The following KIF13A variants were observed in gnomAD, a reference collection of about 807,000 sequenced individuals.
KIF13A encodes kinesin family member 13A, also known as kinesin-like protein KIF13A.
A neutral mutation model predicts 212.2 loss-of-function variants in KIF13A; 79 were observed. The ratio of observed to expected loss-of-function variants is 0.37; its 90% CI spans 0.31 to 0.45. KIF13A has a LOEUF of 0.45. Among genes scored for constraint, KIF13A ranks in the 20% least tolerant of loss-of-function variants. The pLI, the probability that KIF13A is intolerant of heterozygous loss-of-function variation, is 1.00. For missense variants in KIF13A, 1,901 were observed against 2,209.0 expected, an observed-to-expected ratio of 0.86 and a Z score of 2.79; for synonymous variants, 789 against 808.6, an observed-to-expected ratio of 0.98 and a Z score of 0.41.
At chr6:17,792,382 C>T (rs1761666882) in intron 25 of KIF13A, among the ~76,000 whole-genome samples, 1 of 151,976 alleles carries the variant, frequency 6.6e-6, no homozygotes, top group Non-Finnish European at 1.5e-5. Context: ...ACAGGGACCT[C>T]AGAGGATTAT....
intron 2 of KIF13A, among the ~76,000 whole-genome samples, chr6:17,978,107 T>C (rs770982403): frequency 2.0e-5 from 3 of 152,240 alleles, no homozygotes; most frequent in African/African-American, 4.8e-5. Context: ...ATGAGGGGGC[T>C]TGGACTGGTG....
At chr6:17,975,337 A>G (rs1202214940) in intron 2 of KIF13A, among the ~76,000 whole-genome samples, 1 of 152,150 alleles carries the variant, frequency 6.6e-6, no homozygotes, top group Admixed American at 6.5e-5. Flanking sequence ...TCTTGGTCTC[A>G]CTAACTTCAA....
intron 3 of KIF13A, among the ~76,000 whole-genome samples, chr6:17,875,589 G>A (rs577844557): frequency 6.6e-6 from 1 of 151,828 alleles, no homozygotes; most frequent in Admixed American, 6.6e-5. Flanking sequence ...CAAGTAGCTG[G>A]GACTACAGGC....
At chr6:17,763,158 G>GGTACTAAGAAA (rs1243393867), downstream of KIF13A, among the ~76,000 whole-genome samples, 2 of 152,166 alleles carry the variant, frequency 1.3e-5, no homozygotes, top group African/African-American at 4.8e-5. Context: ...CTTAGTAATA[G>GGTACTAAGAAA]TGGCAAAAAC....
chr6:17,944,334 T>G (rs58705416), intron 2 of KIF13A, among the ~76,000 whole-genome samples: 18,719 of 152,252 alleles, frequency 0.12, 1,286 homozygotes, highest in South Asian at 0.19. Flanking sequence ...CATTTCTGAG[T>G]GCCCTCCTGA....
In KIF13A at chr6:17,787,724, T is replaced by C. The variant is rs1761180641; in HGVS notation, c.3361+52A>G. ...AGGGGAAGAAAACGACCTACTGCCA[T>C]TGTGTAAAAGTGAAAAAGCTACTCC... On this transcript the variant is annotated intron_variant, in intron 27 of 38. Transcript: ENST00000259711. The surrounding 1 kb of genome is among the most constrained non-coding windows in gnomAD (Gnocchi z 4.6). 1 of 1,011,420 alleles carries C rather than the reference T, an allele frequency of 9.9e-7. No individual in the cohort carries two copies. The highest frequency in any genetic ancestry group is 2.4e-5 in the East Asian group (1 of 42,122). 62.7% of individuals were successfully genotyped at this position (1,011,420 alleles called of 1,614,324 possible). A position where few individuals can be genotyped will look rare whatever the true frequency, so the allele number is the denominator to read the frequency against.
chr6:17,875,856 G>A (rs1430300087), intron 3 of KIF13A, among the ~76,000 whole-genome samples: 1 of 152,108 alleles, frequency 6.6e-6, no homozygotes, highest in African/African-American at 2.4e-5. Flanking sequence ...AGGAACCAGA[G>A]TTTCATGAGC....
chr6:17,963,642 C>G lies in KIF13A; in HGVS notation c.146+23412G>C, dbSNP rs539754603. Among the ~76,000 whole-genome samples, 8 of 152,298 alleles carry G rather than the reference C, an allele frequency of 5.3e-5. No homozygotes were observed. Among genetic ancestry groups the G allele is most frequent in the Non-Finnish European group, 8.8e-5 (6 of 68,026 alleles). On this transcript the variant is annotated intron_variant, in intron 2 of 38. Transcript: ENST00000259711. This position sits in a 1 kb window ranked among gnomAD's most constrained non-coding sequence, Gnocchi z 4.1. The stretch of plus-strand genomic sequence containing the variant: ...CGTGATCGCAGCTTACTGCAACCTC[C>G]GCCTCCTGGGTTCCAACGATTCCCC...
chr6:17,760,229 C>T (rs939461728), downstream of KIF13A: 5 of 149,522 alleles, frequency 3.3e-5, no homozygotes, highest in Non-Finnish European at 7.4e-5. Context: ...TTATAAAGAA[C>T]AGCATTCTAT....
chr6:17,816,400 G>A lies in KIF13A; in HGVS notation c.2000+620C>T, dbSNP rs1425455682. Among the ~76,000 whole-genome samples, 1 of 151,948 alleles carries A rather than the reference G, an allele frequency of 6.6e-6. No homozygotes were observed. Among genetic ancestry groups the A allele is most frequent in the East Asian group, 1.9e-4 (1 of 5,166 alleles). The stretch of plus-strand genomic sequence containing the variant: ...TTATTTTTTGTAGAGACAAGGTCTC[G>A]TTATGTTGCTCAGGCTGGTCTTAAA... On this transcript the variant is annotated intron_variant, in intron 17 of 38. Coordinates refer to ENST00000259711, the MANE Select transcript of KIF13A (RefSeq NM_022113.6). The surrounding 1 kb of genome is among the most constrained non-coding windows in gnomAD (Gnocchi z 4.3).
At position 17,775,954 on chromosome 6, in the gene KIF13A, G is replaced by A. The variant is rs796955929; in HGVS notation, c.4171-892C>T. Among the ~76,000 whole-genome samples, 42 of 151,838 alleles carry A rather than the reference G, an allele frequency of 2.8e-4. 1 individual carries two copies. Among genetic ancestry groups the A allele is most frequent in the African/African-American group, 8.7e-4 (36 of 41,420 alleles). On this transcript the variant is annotated intron_variant, in intron 34 of 38. Transcript: ENST00000259711. ...TGGAGTGCAATGGCGCAATCTCGGC[G>A]CACCGCAATCTCCTCCTGGGTTCAA...
Position 17,912,666 on chromosome 6 carries a change from T to C in KIF13A, c.147-14486A>G, listed in dbSNP as rs570374971. On this transcript the variant is annotated intron_variant, in intron 2 of 38. Coordinates refer to ENST00000259711, the MANE Select transcript of KIF13A (RefSeq NM_022113.6). The surrounding 1 kb of genome is among the most constrained non-coding windows in gnomAD (Gnocchi z 4.2). ...TCTCTTTTTTCCATCTCTGACTTCA[T>C]GTTTGTTTTTAAAACTATCTTACAG... 1.3e-5 allele frequency among the ~76,000 whole-genome samples: 2 copies of C among 152,344 alleles called. No homozygotes were observed. Among genetic ancestry groups the C allele is most frequent in the South Asian group, 2.1e-4 (1 of 4,826 alleles).
At chr6:17,852,729 A>G (rs1048103702) in intron 6 of KIF13A, among the ~76,000 whole-genome samples, 1 of 152,192 alleles carries the variant, frequency 6.6e-6, no homozygotes, top group Non-Finnish European at 1.5e-5. Context: ...AAAATTTTTG[A>G]ATTACTAGTA....
rs761024616 is a variant in KIF13A at position 17,794,557 on chromosome 6, A to G, written c.3075+15T>C. 26 of 1,586,910 alleles carry G rather than the reference A, an allele frequency of 1.6e-5. No homozygotes were observed. The highest frequency in any genetic ancestry group is 2.1e-5 in the Non-Finnish European group (25 of 1,172,158). On this transcript the variant is annotated intron_variant, in intron 24 of 38. Coordinates refer to ENST00000259711, the MANE Select transcript of KIF13A (RefSeq NM_022113.6). This position sits in a 1 kb window ranked among gnomAD's most constrained non-coding sequence, Gnocchi z 4.1. ...AGAGAAAACATTAAAAAAAAACCCA[A>G]AACAAACTCAGTACCTGTCTAAGTT... is the stretch of plus-strand genomic sequence containing the variant.
Position 17,773,346 on chromosome 6 carries a change from C to T in KIF13A, c.4324+132G>A. 2 of 502,722 alleles carry T rather than the reference C, an allele frequency of 4.0e-6. No homozygotes were observed. The highest frequency in any genetic ancestry group is 7.1e-6 in the Non-Finnish European group (2 of 283,118). The allele number at this position is 502,722 out of a possible 1,614,324, so 31.1% of individuals were successfully genotyped here. A position where few individuals can be genotyped will look rare whatever the true frequency, so the allele number is the denominator to read the frequency against. ...GAATGTTATATGTTACATTCAATAA[C>T]AGTTTTGTATCATCTAGTTAACTAG... On this transcript the variant is annotated intron_variant, in intron 36 of 38. Transcript: ENST00000259711. This position sits in a 1 kb window ranked among gnomAD's most constrained non-coding sequence, Gnocchi z 4.2.
chr6:17,976,995 G>C (rs541028762), intron 2 of KIF13A, among the ~76,000 whole-genome samples: 1 of 151,686 alleles, frequency 6.6e-6, no homozygotes, highest in Non-Finnish European at 1.5e-5. Flanking sequence ...CCAGCTACTC[G>C]GGAGGCTGAG....
intron 2 of KIF13A, among the ~76,000 whole-genome samples, chr6:17,980,873 G>A (rs948398609): frequency 3.3e-5 from 5 of 151,990 alleles, no homozygotes; most frequent in Admixed American, 1.3e-4. Flanking sequence ...TTGGGGGTGA[G>A]GTGAGAATAA....
chr6:17,823,374 T>G (rs1764640561), intron 16 of KIF13A, among the ~76,000 whole-genome samples: 1 of 151,476 alleles, frequency 6.6e-6, no homozygotes, highest in African/African-American at 2.4e-5. Context: ...TTTTTCACAG[T>G]CTGGCTGGCT....
Position 17,806,717 on chromosome 6 carries a change from TA to T in KIF13A, c.2164-1103del, listed in dbSNP as rs1762980739. Among the ~76,000 whole-genome samples the T allele has an allele frequency of 3.3e-5, 5 of 152,082 alleles. No homozygotes were observed. The South Asian group carries it at 6.2e-4, about 19-fold the overall frequency. On this transcript the variant is annotated intron_variant, in intron 18 of 38. Coordinates refer to ENST00000259711, the MANE Select transcript of KIF13A (RefSeq NM_022113.6). The stretch of plus-strand genomic sequence containing the variant: ...TAACATGGTGAAACCCTGCCTCTAC[TA>T]AAAATACAAAATTAGCTTGGTGTGG...
Sources: gnomAD v4.1 joint callset for allele counts (sites outside exome capture counted in the v4.1 genomes callset) on GRCh38, gnomAD v4.1.1 for gene constraint, Gnocchi (gnomAD v3.1) non-coding constraint, MANE v1.5 for transcripts, NCBI Gene and HGNC (gene_info 2026-07-23, HGNC 2026-07-21) for gene names.